The following EEPD1 variants were observed in gnomAD, a reference collection of about 807,000 sequenced individuals.
EEPD1 encodes endonuclease/exonuclease/phosphatase family domain-containing protein 1.
EEPD1 carries 17 observed loss-of-function variants against 46.3 expected under a neutral mutation model. The ratio of observed to expected loss-of-function variants is 0.37; its 90% CI spans 0.25 to 0.55. EEPD1 has a LOEUF of 0.55. Ranked by LOEUF, EEPD1 falls within the 20% of genes least tolerant of loss-of-function variation. The pLI, the probability that EEPD1 is intolerant of heterozygous loss-of-function variation, is 0.83. For synonymous variants in EEPD1, 313 were observed against 315.6 expected (o/e 0.99, Z 0.09); for missense variants, 673 against 745.6 (o/e 0.90, Z 1.13).
chr7:36,227,015 T>C (rs1414582455), intron 2 of EEPD1, among the ~76,000 whole-genome samples: 3 of 152,136 alleles, frequency 2.0e-5, no homozygotes. Flanking sequence ...AGTAGACTGA[T>C]TTCTCACAGA....
chr7:36,154,103 G>A lies in EEPD1; in HGVS notation c.-192-30G>A. On this transcript the variant is annotated intron_variant, in intron 1 of 7. Transcript: ENST00000242108. This position sits in a 1 kb window ranked among gnomAD's most constrained non-coding sequence, Gnocchi z 4.2. ...CTAATGCAAATTTCTTAATTCAATG[G>A]GTTTCTATGTTTATTGATTTATTTT... The A allele has an allele frequency of 1.7e-6, 1 of 601,474 alleles. No individual in the cohort carries two copies. Among genetic ancestry groups the A allele is most frequent in the Non-Finnish European group, 2.9e-6 (1 of 346,470 alleles). The allele number at this position is 601,474 out of a possible 1,614,324, so 37.3% of individuals were successfully genotyped here. A position where few individuals can be genotyped will look rare whatever the true frequency, so the allele number is the denominator to read the frequency against.
intron 3 of EEPD1, among the ~76,000 whole-genome samples, chr7:36,257,044 G>C (rs1310571679): frequency 6.6e-6 from 1 of 152,128 alleles, no homozygotes; most frequent in African/African-American, 2.4e-5. Context: ...GCATTTGCTT[G>C]TCTGTAAAGG....
At chr7:36,289,588 G>A (rs1463690108) in intron 6 of EEPD1, among the ~76,000 whole-genome samples, 6 of 152,160 alleles carry the variant, frequency 3.9e-5, no homozygotes, top group Non-Finnish European at 5.9e-5. Flanking sequence ...TCCGCCTCCC[G>A]GGTTCACGCC....
intron 2 of EEPD1, among the ~76,000 whole-genome samples, chr7:36,234,667 G>C (rs1160860501): frequency 6.7e-6 from 1 of 149,290 alleles, no homozygotes; most frequent in Non-Finnish European, 1.5e-5. Context: ...GTGAGACCCT[G>C]TCTCAAAAAA....
chr7:36,249,662 T>A (rs196548), intron 3 of EEPD1, among the ~76,000 whole-genome samples: 18,688 of 152,270 alleles, frequency 0.12, 1,569 homozygotes, highest in Non-Finnish European at 0.18. Flanking sequence ...CTACTGCGGT[T>A]ACAACTCTGT....
chr7:36,219,975 A>T (rs938332946), intron 2 of EEPD1, among the ~76,000 whole-genome samples: 2 of 152,162 alleles, frequency 1.3e-5, no homozygotes, highest in Non-Finnish European at 2.9e-5. Context: ...TCCATCCCAC[A>T]TGGCCTGAGC....
chr7:36,161,226 G>A (rs10951462), intron 2 of EEPD1, among the ~76,000 whole-genome samples: 1 of 152,160 alleles, frequency 6.6e-6, no homozygotes, highest in Non-Finnish European at 1.5e-5. Context: ...ACCTGATGAG[G>A]TCAGAGGCAT....
chr7:36,219,271 A>G (rs909214607), intron 2 of EEPD1, among the ~76,000 whole-genome samples: 1 of 151,722 alleles, frequency 6.6e-6, no homozygotes. Context: ...CAAAATTTAA[A>G]CGTTAGGAAC....
At chr7:36,246,209 G>T (rs1045484317) in intron 3 of EEPD1, among the ~76,000 whole-genome samples, 1 of 152,094 alleles carries the variant, frequency 6.6e-6, no homozygotes, top group Non-Finnish European at 1.5e-5. Context: ...CACCCACCTG[G>T]TGGCCTTGCC....
intron 2 of EEPD1, among the ~76,000 whole-genome samples, chr7:36,182,570 T>C (rs1374671866): frequency 6.6e-6 from 1 of 152,262 alleles, no homozygotes; most frequent in Non-Finnish European, 1.5e-5. Flanking sequence ...CATTCTTTTG[T>C]CATTAACACC....
chr7:36,251,875 C>T (rs1381332995), intron 3 of EEPD1, among the ~76,000 whole-genome samples: 1 of 151,958 alleles, frequency 6.6e-6, no homozygotes, highest in Non-Finnish European at 1.5e-5. Context: ...AATTTCTGTA[C>T]AGTTATTTGA....
intron 6 of EEPD1, among the ~76,000 whole-genome samples, chr7:36,291,621 T>C (rs953868340): frequency 2.6e-5 from 4 of 152,162 alleles, no homozygotes; most frequent in Admixed American, 1.3e-4. Flanking sequence ...TCACTCCTCC[T>C]AGAGGAGGGC....
chr7:36,198,381 T>TAAAAAAAAAAA (rs1785651068), intron 2 of EEPD1, among the ~76,000 whole-genome samples: 1 of 43,274 alleles, frequency 2.3e-5, no homozygotes, highest in Non-Finnish European at 5.0e-5. Context: ...CCTGAAAAAC[T>TAAAAAAAAAAA]AAATCAAAAC....
At chr7:36,297,900 G>C (rs928819680) in intron 7 of EEPD1, among the ~76,000 whole-genome samples, 1 of 152,188 alleles carries the variant, frequency 6.6e-6, no homozygotes, top group Non-Finnish European at 1.5e-5. Flanking sequence ...ACTCTGACTG[G>C]ACATTTTGCG....
At chr7:36,280,345 C>G (rs192997214) in intron 3 of EEPD1, among the ~76,000 whole-genome samples, 1 of 152,020 alleles carries the variant, frequency 6.6e-6, no homozygotes, top group Non-Finnish European at 1.5e-5. Flanking sequence ...GGCTCTCACT[C>G]GTAGGGGTGG....
Position 36,299,059 on chromosome 7 carries a change from C to T in EEPD1, c.1563C>T (p.Asn521=). The change falls in exon 8 of 8, where the codon AAC becomes AAT. Residue 521 remains asparagine, a synonymous_variant. Transcript: ENST00000242108. ...EGLTNPWIPD[N]WSWGGVASEH... ...TCACGAACCCTTGGATTCCGGATAA[C>T]TGGTCTTGGGGCGGGGTGGCTTCTG... The T allele has an allele frequency of 6.2e-7, 1 of 1,614,194 alleles. No homozygotes were observed. Among genetic ancestry groups the T allele is most frequent in the South Asian group, 1.1e-5 (1 of 91,082 alleles).
rs1786971425 is a variant in EEPD1, at chr7:36,263,866, T to A, written c.931-17249T>A. ...TTTGTTTCTCTTGACCCACACATTC[T>A]TGTCCGGCACTTGCTTTGCAAGGAT... is the stretch of plus-strand genomic sequence containing the variant. On this transcript the variant is annotated intron_variant, in intron 3 of 7. Coordinates refer to ENST00000242108, the MANE Select transcript of EEPD1 (RefSeq NM_030636.3). 2.0e-5 allele frequency among the ~76,000 whole-genome samples: 3 copies of A among 152,210 alleles called. No homozygotes were observed. The South Asian group carries it at 6.2e-4, about 32-fold the overall frequency.
intron 3 of EEPD1, among the ~76,000 whole-genome samples, chr7:36,263,159 C>G (rs751760905): frequency 2.8e-4 from 43 of 152,142 alleles, no homozygotes; most frequent in Non-Finnish European, 5.7e-4. Context: ...TGGTGAAACT[C>G]CATTTATACA....
intron 2 of EEPD1, among the ~76,000 whole-genome samples, chr7:36,211,495 A>G (rs1276557936): frequency 6.6e-6 from 1 of 152,200 alleles, no homozygotes; most frequent in Non-Finnish European, 1.5e-5. Context: ...CCAACTAGAC[A>G]TTTCAAATTC....
Sources: allele counts gnomAD v4.1 joint callset (sites outside exome capture counted in the v4.1 genomes callset), GRCh38; gene constraint gnomAD v4.1.1; non-coding constraint Gnocchi (gnomAD v3.1); transcripts MANE v1.5; gene names NCBI Gene and HGNC (gene_info 2026-07-23, HGNC 2026-07-21).